Variants in DAGLA observed in about 807,000 individuals in gnomAD.
DAGLA encodes the protein diacylglycerol lipase-alpha.
DAGLA carries 22 observed loss-of-function variants against 102.6 expected under a neutral mutation model. That is an observed-to-expected ratio of 0.21 (90% CI 0.15 to 0.31). The LOEUF is 0.31. DAGLA is among the 10% of genes least tolerant of loss of function. DAGLA has a pLI of 1.00. For missense variants in DAGLA, 927 were observed against 1,446.6 expected (o/e 0.64, Z 5.83); for synonymous variants, 578 against 628.9 (o/e 0.92, Z 1.21).
intron 6 of DAGLA, among the ~76,000 whole-genome samples, chr11:61,727,643 G>T (rs755803444): frequency 6.6e-6 from 1 of 152,226 alleles, no homozygotes; most frequent in African/African-American, 2.4e-5. Context: ...CATTGTGGGG[G>T]TCACTGAGCC....
chr11:61,697,665 TG>T (rs1336995703), intron 1 of DAGLA, among the ~76,000 whole-genome samples: 1 of 152,086 alleles, frequency 6.6e-6, no homozygotes, highest in African/African-American at 2.4e-5. Context: ...GATATTCTCC[TG>T]TTTTTTTTTA....
chr11:61,708,272 T>C (rs1166249634), intron 1 of DAGLA, among the ~76,000 whole-genome samples: 1 of 152,154 alleles, frequency 6.6e-6, no homozygotes, highest in Non-Finnish European at 1.5e-5. Context: ...CCTCCCAAAG[T>C]GTTGGGATTA....
chr11:61,712,865 A>C (rs967468357), intron 1 of DAGLA, among the ~76,000 whole-genome samples: 3 of 152,232 alleles, frequency 2.0e-5, no homozygotes, highest in African/African-American at 7.2e-5. Flanking sequence ...ACTGACAGGC[A>C]GAGAGGGTAT....
chr11:61,744,403 G>A lies in DAGLA; in HGVS notation c.3043G>A (p.Ala1015Thr). 1.2e-6 allele frequency: 2 copies of A among 1,610,994 alleles called. No individual in the cohort carries two copies. Among genetic ancestry groups the A allele is most frequent in the Non-Finnish European group, 1.7e-6 (2 of 1,178,646 alleles). The change falls in exon 20 of 20, where the codon GCG becomes ACG. Residue 1015 changes from alanine (A) to threonine (T), a missense_variant. By Grantham distance (58) the Ala-to-Thr change is moderately conservative (BLOSUM62 0). Transcript: ENST00000257215. ...PTGLSSQECL[A>T]ADKIRTSTPT... ...GGGCCTCAGTAGCCAGGAATGCCTGGCGGCTGACAAGATCCGGACTTCTAC... is the reference window on the plus strand; with the variant it reads ...GGGCCTCAGTAGCCAGGAATGCCTGACGGCTGACAAGATCCGGACTTCTAC...
At position 61,744,019 on chromosome 11, in the gene DAGLA, G is replaced by GGC; in HGVS notation, c.2661_2662dup (p.Gly888AlafsTer117). The GGC allele has an allele frequency of 6.2e-7, 1 of 1,612,050 alleles. No homozygotes were observed. Among genetic ancestry groups the GGC allele is most frequent in the Non-Finnish European group, 8.5e-7 (1 of 1,179,678 alleles). On this transcript the variant is annotated frameshift_variant, in exon 20 of 20. Transcript: ENST00000257215. LOFTEE classifies it high-confidence loss of function. ...GGAGGAAGAGGTTGGCGGTGGGGGT[G>GGC]GCGGGCCGGCCTCCCGCGGGGAGCT...
At position 61,743,737 on chromosome 11, in the gene DAGLA, G is replaced by A. The variant is rs144386299; in HGVS notation, c.2377G>A (p.Asp793Asn). 1.9e-6 allele frequency: 3 copies of A among 1,611,834 alleles called. No individual in the cohort carries two copies. The highest frequency in any genetic ancestry group is 2.2e-5 in the South Asian group (2 of 91,036). ...LSDTESLYSF[D>N]SRRSSGFRSI... ...GGACACTGAGTCCCTGTACAGCTTC[G>A]ACTCGCGCCGCTCCTCAGGCTTCCG... Residue 793 changes from aspartate (D) to asparagine (N), a missense_variant, in exon 20 of 20, where the codon GAC (aspartate) becomes AAC (asparagine). Asp to Asn is a conservative substitution (Grantham distance 23). Around this residue, in one of 4 missense-constraint regions of DAGLA, gnomAD observed 434 missense variants for 503.3 expected, o/e 0.86. Coordinates refer to ENST00000257215, the MANE Select transcript of DAGLA (RefSeq NM_006133.3).
At chr11:61,705,044 G>C (rs1052856542) in intron 1 of DAGLA, among the ~76,000 whole-genome samples, 3 of 152,132 alleles carry the variant, frequency 2.0e-5, no homozygotes, top group Admixed American at 6.5e-5. Flanking sequence ...ACTGGGGGGA[G>C]GGGGAGGACA....
At chr11:61,722,116 TG>T (rs527778569) in intron 3 of DAGLA, among the ~76,000 whole-genome samples, 31 of 152,366 alleles carry the variant, frequency 2.0e-4, no homozygotes, top group Non-Finnish European at 4.3e-4. Context: ...GGCCTCTTGC[TG>T]GGAAATAGTT....
At chr11:61,696,220 C>G (rs1156502404) in intron 1 of DAGLA, among the ~76,000 whole-genome samples, 1 of 152,228 alleles carries the variant, frequency 6.6e-6, no homozygotes, top group Admixed American at 6.5e-5. Flanking sequence ...CGGGATTTCC[C>G]TGGCTGACTC....
At chr11:61,715,813 T>C (rs533818629) in intron 1 of DAGLA, among the ~76,000 whole-genome samples, 1 of 152,338 alleles carries the variant, frequency 6.6e-6, no homozygotes, top group South Asian at 2.1e-4. Flanking sequence ...CCTTGGGGTG[T>C]GCAGGACCTG....
chr11:61,691,527 G>T (rs1228377984), intron 1 of DAGLA, among the ~76,000 whole-genome samples: 1 of 152,192 alleles, frequency 6.6e-6, no homozygotes, highest in African/African-American at 2.4e-5. Flanking sequence ...TGCAGCCTTT[G>T]GAGGTGGGAC....
intron 1 of DAGLA, among the ~76,000 whole-genome samples, chr11:61,712,874 AT>A (rs999889853): frequency 1.3e-5 from 2 of 151,984 alleles, no homozygotes; most frequent in Non-Finnish European, 2.9e-5. Context: ...CAGAGAGGGT[AT>A]TTTTTTCTTG....
chr11:61,731,579 A>G, intron 9 of DAGLA, 138 bp downstream of exon 9: 1 of 1,208,732 alleles, frequency 8.3e-7, no homozygotes, highest in South Asian at 1.4e-5. Flanking sequence ...CAACCTTTCT[A>G]GTTCTGTGTT....
At chr11:61,719,334 G>T (rs943925266) in intron 1 of DAGLA, among the ~76,000 whole-genome samples, 7 of 152,116 alleles carry the variant, frequency 4.6e-5, no homozygotes, top group African/African-American at 1.4e-4. Context: ...GTGTGACCCT[G>T]CAGGGCTTAC....
Position 61,728,260 on chromosome 11 carries a change from G to T in DAGLA, c.744G>T (p.Arg248=). ...AGLVLLRQRQ[R]AKRNAVLDEA... is the part of the protein sequence containing the mutation. ...TGGTGCTGCTCCGGCAGCGGCAGCG[G>T]GCCAAGCGCAACGCCGTGCTGGACG... is the stretch of plus-strand genomic sequence containing the variant. The change falls in exon 7 of 20, where the codon CGG becomes CGT. Residue 248 remains arginine, a synonymous_variant. Coordinates refer to ENST00000257215, the MANE Select transcript of DAGLA (RefSeq NM_006133.3). 1 of 1,613,344 alleles carries T rather than the reference G, an allele frequency of 6.2e-7. No homozygotes were observed.
chr11:61,723,072 G>C, intron 4 of DAGLA, 112 bp downstream of exon 4: 1 of 896,464 alleles, frequency 1.1e-6, no homozygotes, highest in South Asian at 1.5e-5. Context: ...GCCTTCTGTG[G>C]GGGCACCAGC....
chr11:61,696,022 G>T (rs993366649), intron 1 of DAGLA, among the ~76,000 whole-genome samples: 2 of 152,240 alleles, frequency 1.3e-5, no homozygotes, highest in African/African-American at 4.8e-5. Context: ...ACGGCAGCCT[G>T]CGGAGGCCTC....
chr11:61,693,145 G>A (rs1029702132), intron 1 of DAGLA, among the ~76,000 whole-genome samples: 10 of 151,316 alleles, frequency 6.6e-5, no homozygotes, highest in East Asian at 3.9e-4. Context: ...GTAGGTGCCC[G>A]CCACCACATC....
At chr11:61,726,305 G>T (rs1376217783) in intron 6 of DAGLA, among the ~76,000 whole-genome samples, 1 of 151,948 alleles carries the variant, frequency 6.6e-6, no homozygotes. Flanking sequence ...GGAACAGAAA[G>T]CTGTGAAGAC....
Sources: allele counts gnomAD v4.1 joint callset (sites outside exome capture counted in the v4.1 genomes callset), GRCh38; gene constraint gnomAD v4.1.1; regional missense constraint gnomAD v4.1.1; transcripts MANE v1.5; gene names NCBI Gene and HGNC (gene_info 2026-07-23, HGNC 2026-07-21).